The following CNIH2 variants were observed in gnomAD, a reference collection of about 807,000 sequenced individuals.
The protein encoded by CNIH2 is cornichon family AMPA receptor auxiliary protein 2.
A neutral mutation model predicts 22.9 loss-of-function variants in CNIH2; 8 were observed. That is an observed-to-expected ratio of 0.35 (90% CI 0.20 to 0.63). CNIH2 has a LOEUF of 0.63. Ranked by LOEUF, CNIH2 falls within the 30% of genes least tolerant of loss-of-function variation. The pLI is 0.72. For synonymous variants in CNIH2, 74 were observed against 78.2 expected (o/e 0.95, Z 0.28); for missense variants, 105 against 206.2 (o/e 0.51, Z 3.01).
chr11:66,282,579 T>G (rs1201876654), intron 2 of CNIH2, 154 bp from the exon 3 acceptor site: 1 of 937,318 alleles, frequency 1.1e-6, no homozygotes, highest in African/African-American at 1.7e-5. Flanking sequence ...ATGGTGACGG[T>G]CGCCATGGGG....
intron 1 of CNIH2, chr11:66,281,578 A>G: frequency 2.3e-6 from 1 of 432,332 alleles, no homozygotes; most frequent in South Asian, 1.6e-5. Flanking sequence ...TGTTAAAGTA[A>G]GTCCAAACTC....
intron 1 of CNIH2, chr11:66,281,652 ACT>A (rs370881288): frequency 3.1e-4 from 104 of 333,796 alleles, no homozygotes; most frequent in African/African-American, 1.7e-3. Context: ...CTCTTCCACC[ACT>A]CTCTCTTTTC....
chr11:66,283,743 G>A lies in CNIH2; in HGVS notation c.*146G>A, dbSNP rs1474844511. On this transcript the variant is annotated 3_prime_UTR_variant, in exon 6 of 6. Transcript: ENST00000311445. ...TCTCCAACCCCCAAACTGCTGCTGC[G>A]GGGAACCCCCCCCACCCCGCCTTCA... The A allele has an allele frequency of 3.5e-6, 3 of 858,386 alleles. No individual in the cohort carries two copies. The highest frequency in any genetic ancestry group is 2.7e-5 in the Admixed American group (1 of 36,674). The allele number at this position is 858,386 out of a possible 1,614,324, so 53.2% of individuals were successfully genotyped here.
intron 1 of CNIH2, among the ~76,000 whole-genome samples, chr11:66,279,171 A>C (rs1379831642): frequency 7.4e-6 from 1 of 134,852 alleles, no homozygotes; most frequent in African/African-American, 2.8e-5. Flanking sequence ...TCCATTTTCC[A>C]GCTTCCCTCC....
At chr11:66,280,752 A>C (rs1362461425) in intron 1 of CNIH2, among the ~76,000 whole-genome samples, 1 of 152,056 alleles carries the variant, frequency 6.6e-6, no homozygotes, top group South Asian at 2.1e-4. Context: ...CCCAGAGTCA[A>C]TGGGGAGCTG....
intron 2 of CNIH2, 193 bp downstream of exon 2, chr11:66,282,520 T>C (rs1857274969): frequency 3.5e-6 from 3 of 866,200 alleles, no homozygotes; most frequent in Non-Finnish European, 5.5e-6. Flanking sequence ...GGGGCGGTGG[T>C]TGCCAGGCTC....
chr11:66,282,808 C>T (rs1039327833), intron 3 of CNIH2, 28 bp downstream of exon 3: 2 of 1,599,960 alleles, frequency 1.3e-6, no homozygotes, highest in African/African-American at 2.7e-5. Context: ...GGGCAGGAGG[C>T]TCCTAGCCCA....
In CNIH2 at chr11:66,283,351, C is replaced by T; in HGVS notation, c.415C>T (p.Leu139Phe). The T allele has an allele frequency of 6.2e-7, 1 of 1,614,180 alleles. No individual in the cohort carries two copies. Among genetic ancestry groups the T allele is most frequent in the East Asian group, 2.2e-5 (1 of 44,888 alleles). The change falls in exon 5 of 6, where the codon CTT becomes TTT. Residue 139 changes from leucine (L) to phenylalanine (F), a missense_variant. Physicochemically the swap from Leu to Phe is conservative, Grantham distance 22. Coordinates refer to ENST00000311445, the MANE Select transcript of CNIH2 (RefSeq NM_182553.3). ...NYCQKESWCK[L>F]AFYLLSFFYY... ...CTGCCAGAAGGAGTCCTGGTGCAAA[C>T]TTGCCTTCTACCTGCTCTCCTTCTT...
Position 66,282,251 on chromosome 11 carries a change from T to TC in CNIH2, c.82-3dup, listed in dbSNP as rs1453175327. The TC allele has an allele frequency of 6.2e-7, 1 of 1,612,946 alleles. No individual in the cohort carries two copies. Among genetic ancestry groups the TC allele is most frequent in the African/African-American group, 1.3e-5 (1 of 74,900 alleles). On this transcript the variant is annotated splice_polypyrimidine_tract_variant and splice_region_variant and intron_variant, in intron 1 of 5. Transcript: ENST00000311445. The stretch of plus-strand genomic sequence containing the variant: ...CCCAACCCTGACGGGCACACGCCCC[T>TC]CCCCCAGATCATAGCCTTTGATGAG...
intron 1 of CNIH2, chr11:66,281,712 C>G (rs1219968145): frequency 2.8e-6 from 1 of 352,638 alleles, no homozygotes; most frequent in South Asian, 2.1e-5. Flanking sequence ...CCCGCAGCCT[C>G]CTGAATGTCT....
intron 5 of CNIH2, 64 bp downstream of exon 5, chr11:66,283,455 C>G: frequency 6.2e-7 from 1 of 1,611,546 alleles, no homozygotes; most frequent in Non-Finnish European, 8.5e-7. Context: ...CGCTTCCAAT[C>G]CCAAGTTCCT....
rs372218441 is a variant in CNIH2 at position 66,283,314 on chromosome 11, C to G, written c.378C>G (p.Asp126Glu). ...MYDAVSIMNA[D>E]ILNYCQKESW... is the part of the protein sequence containing the mutation. Reference sequence around the variant, plus strand: ...ATGCGGTCTCCATCATGAATGCTGACATTCTCAACTACTGCCAGAAGGAGT... The same window carrying G: ...ATGCGGTCTCCATCATGAATGCTGAGATTCTCAACTACTGCCAGAAGGAGT... The change falls in exon 5 of 6, where the codon GAC (aspartate) becomes GAG (glutamate). Residue 126 changes from aspartate to glutamate, a missense_variant. Transcript: ENST00000311445. 2.5e-6 allele frequency: 4 copies of G among 1,614,068 alleles called. No homozygotes were observed. Among genetic ancestry groups the G allele is most frequent in the Non-Finnish European group, 3.4e-6 (4 of 1,180,008 alleles).
chr11:66,281,157 C>G (rs1857253471), intron 1 of CNIH2, among the ~76,000 whole-genome samples: 1 of 152,184 alleles, frequency 6.6e-6, no homozygotes, highest in African/African-American at 2.4e-5. Context: ...CTACAACTCT[C>G]CTCACTCAGA....
In CNIH2 at chr11:66,282,794, C is replaced by A. The variant is rs765022983; in HGVS notation, c.198+14C>A. ...CTCCTGAGGAAGGTCAGTGTCAGGG[C>A]TGGGGGCAGGAGGCTCCTAGCCCAG... On this transcript the variant is annotated intron_variant, in intron 3 of 5. Transcript: ENST00000311445. 2.5e-6 allele frequency: 4 copies of A among 1,606,706 alleles called. No homozygotes were observed. The highest frequency in any genetic ancestry group is 3.4e-6 in the Non-Finnish European group (4 of 1,177,038).
At chr11:66,282,429 G>GGGGGGGGGGGGGGGGGGGCC in intron 2 of CNIH2, 102 bp downstream of exon 2, 7 of 479,410 alleles carry the variant, frequency 1.5e-5, no homozygotes, top group Non-Finnish European at 2.5e-5. Flanking sequence ...GGGGTGGGGG[G>GGGGGGGGGGGGGGGGGGGCC]CCTACGGCCA....
chr11:66,282,423 T>TGGGGGGCCTGGGGGGGGGGGGGG, intron 2 of CNIH2, 96 bp downstream of exon 2: 2 of 147,070 alleles, frequency 1.4e-5, no homozygotes, highest in East Asian at 1.1e-4. Flanking sequence ...GGGGGTGGGG[T>TGGGGGGCCTGGGGGGGGGGGGGG]GGGGGGCCTA....
chr11:66,278,556 TGGGGCTGGGGGCGGGGTGGGGGGCA>T lies in CNIH2; in HGVS notation c.81+25_81+49del. On this transcript the variant is annotated intron_variant, in intron 1 of 5. Coordinates refer to ENST00000311445, the MANE Select transcript of CNIH2 (RefSeq NM_182553.3). ...CTGGCACGTAAGGCCGGGCTGGGGC[TGGGGCTGGGGGCGGGGTGGGGGGCA>T]GGGGCCACGCGGAGCTGGAGGGACC... The T allele has an allele frequency of 8.2e-6, 2 of 244,004 alleles. No homozygotes were observed. Among genetic ancestry groups the T allele is most frequent in the African/African-American group, 4.1e-5 (1 of 24,164 alleles). The allele number at this position is 244,004 out of a possible 1,614,324, so 15.1% of individuals were successfully genotyped here.
At chr11:66,281,303 AAGTC>A in intron 1 of CNIH2, 1 of 448,262 alleles carries the variant, frequency 2.2e-6, no homozygotes, top group South Asian at 1.6e-5. Context: ...GGCCCTGGAC[AAGTC>A]ACTTAACCTG....
At chr11:66,282,656 C>G (rs1857278628) in intron 2 of CNIH2, 77 bp from the exon 3 acceptor site, 1 of 1,539,994 alleles carries the variant, frequency 6.5e-7, no homozygotes, top group African/African-American at 1.4e-5. Context: ...CCCTGGCGGC[C>G]ACATGTGGAG....
Sources: allele counts gnomAD v4.1 joint callset (sites outside exome capture counted in the v4.1 genomes callset), GRCh38; gene constraint gnomAD v4.1.1; transcripts MANE v1.5; gene names NCBI Gene and HGNC (gene_info 2026-07-23, HGNC 2026-07-21).